CPNE4: variants seen among roughly 807,000 people sequenced by gnomAD.
The protein encoded by CPNE4 is copine-4.
A neutral mutation model predicts 67.9 loss-of-function variants in CPNE4; 25 were observed. The ratio of observed to expected loss-of-function variants is 0.37; its 90% CI spans 0.27 to 0.51. CPNE4 has a LOEUF of 0.51. Among genes scored for constraint, CPNE4 ranks in the 20% least tolerant of loss-of-function variants. The pLI is 0.93. For synonymous variants in CPNE4, 242 were observed against 244.9 expected (o/e 0.99, Z 0.11); for missense variants, 464 against 690.8 (o/e 0.67, Z 3.68).
At chr3:132,035,696 A>T (rs746755696), upstream of CPNE4, among the ~76,000 whole-genome samples, 3 of 152,222 alleles carry the variant, frequency 2.0e-5, no homozygotes, top group Non-Finnish European at 2.9e-5. Flanking sequence ...AGACAAATGA[A>T]CTTATTCAAA....
chr3:131,889,867 A>G (rs9860425), intron 2 of CPNE4, among the ~76,000 whole-genome samples: 113,758 of 152,082 alleles, frequency 0.75, 42,913 homozygotes, highest in African/African-American at 0.83. Flanking sequence ...AATAAATGGT[A>G]TTGGGAAAGC....
rs118145167 is a variant in CPNE4, at chr3:131,829,436, T to A, written c.180+75828A>T. Among the ~76,000 whole-genome samples, 62 of 152,332 alleles carry A rather than the reference T, an allele frequency of 4.1e-4. No homozygotes were observed. In the East Asian group the frequency reaches 0.012, roughly 28 times the overall value. On this transcript the variant is annotated intron_variant, in intron 2 of 15. Coordinates refer to ENST00000429747, the MANE Select transcript of CPNE4 (RefSeq NM_130808.3). The stretch of plus-strand genomic sequence containing the variant: ...ACTAGTAATGTCACAGCTCTAAACA[T>A]ACCTTATCATCATTCACCTTGAGGT...
upstream of CPNE4, chr3:132,039,473 T>A (rs535190749): frequency 2.0e-5 from 3 of 152,376 alleles, no homozygotes; most frequent in African/African-American, 7.2e-5. Context: ...TTCAGCTTTT[T>A]ATTACAAATA....
intron 1 of CPNE4, among the ~76,000 whole-genome samples, chr3:131,993,472 C>CAAAAAAAAAAAAAA (rs58116331): frequency 1.3e-4 from 8 of 60,452 alleles, no homozygotes; most frequent in African/African-American, 3.3e-4. Flanking sequence ...GCAGGAGTGG[C>CAAAAAAAAAAAAAA]AAAAAAAAAA....
chr3:131,578,029 G>T lies in CPNE4; in HGVS notation c.868-2899C>A, dbSNP rs1355629541. ...TCATCGTAAATTGGGGACCATCTGG[G>T]TGTGTGTATACACACACACACATAT... is the stretch of plus-strand genomic sequence containing the variant. On this transcript the variant is annotated intron_variant, in intron 9 of 15. Transcript: ENST00000429747. Among the ~76,000 whole-genome samples the T allele has an allele frequency of 2.0e-5, 3 of 151,954 alleles. No individual in the cohort carries two copies. In the East Asian group the frequency reaches 5.8e-4, roughly 29 times the overall value.
At chr3:131,634,317 T>C (rs941107139) in intron 7 of CPNE4, among the ~76,000 whole-genome samples, 1 of 152,196 alleles carries the variant, frequency 6.6e-6, no homozygotes, top group Non-Finnish European at 1.5e-5. Context: ...AATGCCAAGA[T>C]TGGCAAATAT....
At chr3:131,645,692 G>T (rs1047528067) in intron 7 of CPNE4, among the ~76,000 whole-genome samples, 1 of 152,114 alleles carries the variant, frequency 6.6e-6, no homozygotes, top group Non-Finnish European at 1.5e-5. Context: ...ATATCTGACT[G>T]CCCTGATTAT....
chr3:132,030,738 T>C (rs982722980), intron 1 of CPNE4, among the ~76,000 whole-genome samples: 3 of 152,214 alleles, frequency 2.0e-5, no homozygotes, highest in Non-Finnish European at 4.4e-5. Flanking sequence ...ATATATTTAG[T>C]AGTTCATACA....
At position 131,924,070 on chromosome 3, in the gene CPNE4, C is replaced by T. The variant is rs537727196; in HGVS notation, c.-1-18626G>A. Among the ~76,000 whole-genome samples, 4 of 152,308 alleles carry T rather than the reference C, an allele frequency of 2.6e-5. No individual in the cohort carries two copies. In the East Asian group the frequency reaches 7.7e-4, roughly 29 times the overall value. On this transcript the variant is annotated intron_variant, in intron 1 of 15. Transcript: ENST00000429747. Reference sequence around the variant, plus strand: ...GTGGTTCACCTTGTGATAGTGGCTACTTGCAGGGTCTTCCAGACATTACGT... The same window carrying T: ...GTGGTTCACCTTGTGATAGTGGCTATTTGCAGGGTCTTCCAGACATTACGT...
At chr3:131,925,612 G>A (rs1027818767) in intron 1 of CPNE4, 6 of 152,112 alleles carry the variant, frequency 3.9e-5, no homozygotes, top group African/African-American at 1.4e-4. Context: ...TTTGGGGATA[G>A]GGGAGAAAAA....
intron 2 of CPNE4, among the ~76,000 whole-genome samples, chr3:131,874,171 C>A (rs2087339339): frequency 6.6e-6 from 1 of 151,760 alleles, no homozygotes; most frequent in Non-Finnish European, 1.5e-5. Context: ...TCACTGCAAG[C>A]TCCGCCTCCC....
At chr3:131,974,455 C>A (rs1354572727) in intron 1 of CPNE4, among the ~76,000 whole-genome samples, 1 of 152,184 alleles carries the variant, frequency 6.6e-6, no homozygotes, top group Non-Finnish European at 1.5e-5. Context: ...CTTGTCATAG[C>A]ACACTCAGCT....
intron 2 of CPNE4, among the ~76,000 whole-genome samples, chr3:131,864,370 C>G (rs1418366110): frequency 6.6e-6 from 1 of 152,126 alleles, no homozygotes; most frequent in East Asian, 1.9e-4. Context: ...TTTGTATCCT[C>G]TTTTATTTCA....
chr3:131,665,556 G>A (rs1033951187), intron 7 of CPNE4, among the ~76,000 whole-genome samples: 1 of 151,974 alleles, frequency 6.6e-6, no homozygotes. Flanking sequence ...CTACTCAGGA[G>A]GCCAAGGCAG....
At chr3:131,866,127 T>A (rs573025646) in intron 2 of CPNE4, among the ~76,000 whole-genome samples, 1 of 152,328 alleles carries the variant, frequency 6.6e-6, no homozygotes, top group Non-Finnish European at 1.5e-5. Flanking sequence ...AGGCAACAAA[T>A]TCTTCCACAT....
intron 2 of CPNE4, among the ~76,000 whole-genome samples, chr3:131,771,316 T>C (rs1157287416): frequency 2.0e-5 from 3 of 152,134 alleles, no homozygotes; most frequent in Non-Finnish European, 4.4e-5. Flanking sequence ...CTGTTATAGT[T>C]GGTATGTTTG....
At chr3:131,846,955 A>G (rs72989519) in intron 2 of CPNE4, among the ~76,000 whole-genome samples, 5,267 of 152,282 alleles carry the variant, frequency 0.035, 233 homozygotes, top group African/African-American at 0.099. Flanking sequence ...GAAGTCACAT[A>G]GTATCACAAG....
At chr3:131,643,522 T>G (rs1440685605) in intron 7 of CPNE4, among the ~76,000 whole-genome samples, 1 of 152,122 alleles carries the variant, frequency 6.6e-6, no homozygotes, top group African/African-American at 2.4e-5. Flanking sequence ...TGGACTTGGA[T>G]TTTTGGGTTG....
At chr3:131,798,455 G>A (rs1458399389) in intron 2 of CPNE4, among the ~76,000 whole-genome samples, 1 of 152,108 alleles carries the variant, frequency 6.6e-6, no homozygotes, top group Non-Finnish European at 1.5e-5. Flanking sequence ...CACACCATAA[G>A]AGAGTTAGGG....
Sources: gnomAD v4.1 joint callset for allele counts (sites outside exome capture counted in the v4.1 genomes callset) on GRCh38, gnomAD v4.1.1 for gene constraint, MANE v1.5 for transcripts, NCBI Gene and HGNC (gene_info 2026-07-23, HGNC 2026-07-21) for gene names.